Variants in GSE1 observed in about 807,000 individuals in gnomAD.
The protein encoded by GSE1 is genetic suppressor element 1.
GSE1 carries 32 observed loss-of-function variants against 112.6 expected under a neutral mutation model. The observed-to-expected ratio is 0.28, with a 90% CI of 0.21 to 0.38. The LOEUF is 0.38. Among genes scored for constraint, GSE1 ranks in the 10% least tolerant of loss-of-function variants. The pLI is 1.00. For synonymous variants in GSE1, 1,115 were observed against 735.6 expected, an observed-to-expected ratio of 1.52 and a Z score of -8.35; for missense variants, 2,348 against 1,699.2, an observed-to-expected ratio of 1.38 and a Z score of -6.71.
At chr16:85,660,693 C>T (rs950055624) in intron 8 of GSE1, among the ~76,000 whole-genome samples, 16 of 151,644 alleles carry the variant, frequency 1.1e-4, no homozygotes, top group African/African-American at 1.4e-4. Flanking sequence ...TGCAATGGCA[C>T]GGTCTCAGCT....
At chr16:85,324,516 A>G (rs1390488003) in intron 1 of GSE1, among the ~76,000 whole-genome samples, 17 of 152,038 alleles carry the variant, frequency 1.1e-4, no homozygotes, top group Admixed American at 1.1e-3. Flanking sequence ...TCTCAAAAAA[A>G]AAAAAAAAAA....
chr16:85,385,152 G>T (rs1293740551), intron 2 of GSE1, among the ~76,000 whole-genome samples: 1 of 152,268 alleles, frequency 6.6e-6, no homozygotes, highest in Non-Finnish European at 1.5e-5. Context: ...AGCCACATGG[G>T]GCTTGGGATG....
At chr16:85,456,512 G>C (rs1465853403) in intron 2 of GSE1, among the ~76,000 whole-genome samples, 1 of 151,970 alleles carries the variant, frequency 6.6e-6, no homozygotes, top group East Asian at 1.9e-4. Context: ...TGGTGTGGTA[G>C]GGACCAGGAC....
intron 1 of GSE1, among the ~76,000 whole-genome samples, chr16:85,255,391 T>G (rs1330062652): frequency 1.3e-5 from 2 of 150,328 alleles, no homozygotes; most frequent in South Asian, 4.2e-4. Context: ...ATCTGTAAAG[T>G]AGGGGTGATG....
intron 2 of GSE1, among the ~76,000 whole-genome samples, chr16:85,487,907 G>A (rs985717516): frequency 6.6e-6 from 1 of 152,220 alleles, no homozygotes; most frequent in Non-Finnish European, 1.5e-5. Flanking sequence ...CGGGGCAAGG[G>A]TGACCCACCC....
intron 11 of GSE1, 96 bp downstream of exon 11, chr16:85,663,710 G>A (rs1293125140): frequency 3.2e-6 from 4 of 1,257,584 alleles, no homozygotes; most frequent in Non-Finnish European, 1.1e-6. Context: ...GGCAGGATCT[G>A]CGATCACTGA....
intron 13 of GSE1, 116 bp downstream of exon 13, chr16:85,666,463 A>C: frequency 2.2e-6 from 2 of 902,118 alleles, no homozygotes; most frequent in Non-Finnish European, 3.5e-6. Flanking sequence ...TATAAACTCC[A>C]ATCACCAGAA....
At chr16:85,604,001 C>T (rs539865618) in intron 1 of GSE1, among the ~76,000 whole-genome samples, 1 of 152,266 alleles carries the variant, frequency 6.6e-6, no homozygotes, top group South Asian at 2.1e-4. Context: ...GCAGGCCCTG[C>T]AGGAAGCATG....
chr16:85,548,570 C>T (rs191465412), intron 2 of GSE1, among the ~76,000 whole-genome samples: 2 of 152,258 alleles, frequency 1.3e-5, no homozygotes, highest in African/African-American at 4.8e-5. Flanking sequence ...CTGCAAATGA[C>T]AGGGTTTCAT....
At chr16:85,261,511 G>A (rs1907678879) in intron 1 of GSE1, among the ~76,000 whole-genome samples, 1 of 152,262 alleles carries the variant, frequency 6.6e-6, no homozygotes, top group Non-Finnish European at 1.5e-5. Flanking sequence ...AGGCAGTCCA[G>A]CTGGTTCTGA....
At chr16:85,542,547 G>A (rs76351236) in intron 2 of GSE1, among the ~76,000 whole-genome samples, 3,915 of 152,314 alleles carry the variant, frequency 0.026, 169 homozygotes, top group African/African-American at 0.088. Context: ...AAGAGCTGAA[G>A]CGGAGATGCT....
At chr16:85,417,571 T>C (rs944257800) in intron 2 of GSE1, among the ~76,000 whole-genome samples, 3 of 152,236 alleles carry the variant, frequency 2.0e-5, no homozygotes, top group Non-Finnish European at 4.4e-5. Flanking sequence ...CCAGAGTGTC[T>C]GCATCAGCGG....
rs901561685 is a variant in GSE1, at chr16:85,350,747, C to T, written c.2284-6716C>T. 2.0e-5 allele frequency among the ~76,000 whole-genome samples: 3 copies of T among 152,190 alleles called. No homozygotes were observed. The East Asian group carries it at 5.8e-4, about 29-fold the overall frequency. On this transcript the variant is annotated intron_variant, in intron 1 of 2. Coordinates refer to the GSE1 transcript ENST00000637419. Reference sequence around the variant, plus strand: ...GAAGAGTTCGTTGAATTTCCTCCGTCATTCCTCTTGGAGGTAGGCACTGTG... The same window carrying T: ...GAAGAGTTCGTTGAATTTCCTCCGTTATTCCTCTTGGAGGTAGGCACTGTG...
intron 1 of GSE1, among the ~76,000 whole-genome samples, chr16:85,629,221 A>G (rs529395668): frequency 2.6e-3 from 393 of 152,292 alleles, no homozygotes; most frequent in Middle Eastern, 3.4e-3. Context: ...TTCTTTATGA[A>G]TTACACAGCC....
Position 85,565,297 on chromosome 16 carries a change from C to T in GSE1, c.37+8934C>T, listed in dbSNP as rs551201373. On this transcript the variant is annotated intron_variant, in intron 1 of 2. Coordinates refer to the GSE1 transcript ENST00000635906. ...ATCCCAGCTACTCAGGAGGCTGAGG[C>T]AGGAGAATCACTTGAACCTGGGAGC... 2.1e-3 allele frequency among the ~76,000 whole-genome samples: 317 copies of T among 151,676 alleles called. 2 individuals carry two copies. Among genetic ancestry groups the T allele is most frequent in the African/African-American group, 7.4e-3 (304 of 41,244 alleles).
intron 1 of GSE1, among the ~76,000 whole-genome samples, chr16:85,275,386 G>A (rs1372032841): frequency 6.6e-6 from 1 of 152,214 alleles, no homozygotes; most frequent in African/African-American, 2.4e-5. Flanking sequence ...TCTGTCGGGA[G>A]AGCATGAGCC....
chr16:85,455,166 G>A (rs1435122940), intron 2 of GSE1, among the ~76,000 whole-genome samples: 2 of 152,082 alleles, frequency 1.3e-5, no homozygotes, highest in Admixed American at 6.5e-5. Context: ...TCAGAGCAGG[G>A]CCTCATTCTC....
At chr16:85,603,796 T>G (rs2047568401) in intron 1 of GSE1, among the ~76,000 whole-genome samples, 1 of 152,246 alleles carries the variant, frequency 6.6e-6, no homozygotes, top group South Asian at 2.1e-4. Context: ...TGTGAGCCAC[T>G]GGGCCCAGCC....
intron 1 of GSE1, among the ~76,000 whole-genome samples, chr16:85,335,950 C>CT (rs1361030128): frequency 6.6e-6 from 1 of 152,172 alleles, no homozygotes; most frequent in Non-Finnish European, 1.5e-5. Flanking sequence ...GAGTGGACTT[C>CT]CAGCAGCTGG....
Sources: gnomAD v4.1 joint callset for allele counts (sites outside exome capture counted in the v4.1 genomes callset) on GRCh38, gnomAD v4.1.1 for gene constraint, MANE v1.5 for transcripts, NCBI Gene and HGNC (gene_info 2026-07-23, HGNC 2026-07-21) for gene names.